SYT9: variants seen among roughly 807,000 people sequenced by gnomAD.
The protein encoded by SYT9 is synaptotagmin-9.
In SYT9, 22 loss-of-function variants were observed where a neutral mutation model predicts 48.4. The observed-to-expected ratio is 0.45, with a 90% confidence interval of 0.32 to 0.65. The LOEUF is 0.65. Ranked by LOEUF, SYT9 falls within the 30% of genes least tolerant of loss-of-function variation. SYT9 has a pLI of 0.03. For synonymous variants in SYT9, 265 were observed against 245.0 expected, an observed-to-expected ratio of 1.08 and a Z score of -0.76; for missense variants, 577 against 622.0, an observed-to-expected ratio of 0.93 and a Z score of 0.77.
chr11:7,250,886 AAAAAAGACAAAAG>A (rs1847855002), upstream of SYT9, among the ~76,000 whole-genome samples: 1 of 152,106 alleles, frequency 6.6e-6, no homozygotes, highest in Non-Finnish European at 1.5e-5. Context: ...CCAGTATTAC[AAAAAAGACAAAAG>A]AAAAAGAAGG....
chr11:7,346,940 ATTTG>A (rs1849811284), intron 3 of SYT9, among the ~76,000 whole-genome samples: 2 of 152,058 alleles, frequency 1.3e-5, no homozygotes, highest in Admixed American at 6.5e-5. Context: ...CTTTGCTGTA[ATTTG>A]TTTAAGTAAG....
rs750085137 is a variant in SYT9 at position 7,252,309 on chromosome 11, C to G, written c.123C>G (p.Ala41=). 6.7e-7 allele frequency: 1 copy of G among 1,502,404 alleles called. No homozygotes were observed. The allele number at this position is 1,502,404 out of a possible 1,614,324, so 93.1% of individuals were successfully genotyped here. Residue 41 remains alanine (A), a synonymous_variant, in exon 1 of 7, where the codon GCC becomes GCG. Coordinates refer to ENST00000318881, the MANE Select transcript of SYT9 (RefSeq NM_175733.4). This position sits in a 1 kb window ranked among gnomAD's most constrained non-coding sequence, Gnocchi z 6.3. Reference sequence around the variant, plus strand: ...TCATTTACCACCTGCGGGACCGTGCCAGACCCCGGCTCCGCGACCCAGGTG... The same window carrying G: ...TCATTTACCACCTGCGGGACCGTGCGAGACCCCGGCTCCGCGACCCAGGTG... The part of the protein sequence containing the change: ...QDFIYHLRDR[A]RPRLRDPDIS...
At chr11:7,257,898 GA>G (rs1757682134) in intron 1 of SYT9, among the ~76,000 whole-genome samples, 1 of 152,142 alleles carries the variant, frequency 6.6e-6, no homozygotes, top group Admixed American at 6.6e-5. Flanking sequence ...ATCAAGAGGG[GA>G]AAACAAAAGC....
chr11:7,301,168 C>G (rs1848912316), intron 1 of SYT9, among the ~76,000 whole-genome samples: 1 of 152,046 alleles, frequency 6.6e-6, no homozygotes, highest in African/African-American at 2.4e-5. Context: ...TTTGAGGAGA[C>G]AAAAGTGAAA....
At chr11:7,263,475 C>A (rs1305893997) in intron 1 of SYT9, among the ~76,000 whole-genome samples, 1 of 152,072 alleles carries the variant, frequency 6.6e-6, no homozygotes, top group Non-Finnish European at 1.5e-5. Context: ...CACAAACATT[C>A]AGATCTTCAC....
At chr11:7,363,736 A>C (rs1448833480) in intron 3 of SYT9, among the ~76,000 whole-genome samples, 1 of 152,208 alleles carries the variant, frequency 6.6e-6, no homozygotes, top group African/African-American at 2.4e-5. Context: ...GGAATCCAGG[A>C]GTAATGAGTG....
At chr11:7,241,787 G>A (rs576711709) in intron 1 of SYT9, among the ~76,000 whole-genome samples, 1 of 152,264 alleles carries the variant, frequency 6.6e-6, no homozygotes, top group African/African-American at 2.4e-5. Context: ...TTTGTCCAGG[G>A]GGATCGTAAG....
intron 3 of SYT9, among the ~76,000 whole-genome samples, chr11:7,394,947 G>T (rs1050884351): frequency 6.6e-6 from 1 of 152,010 alleles, no homozygotes; most frequent in Non-Finnish European, 1.5e-5. Context: ...AAGACATTCA[G>T]GAGCAAGTTG....
At position 7,395,522 on chromosome 11, in the gene SYT9, C is replaced by T. The variant is rs543888935; in HGVS notation, c.1045-20520C>T. Reference sequence around the variant, plus strand: ...TCTATAAGTACTTGTTTATGAATCCCAATGTGGGATACATTTAGATTCAGG... The same window carrying T: ...TCTATAAGTACTTGTTTATGAATCCTAATGTGGGATACATTTAGATTCAGG... On this transcript the variant is annotated intron_variant, in intron 3 of 6. Coordinates refer to ENST00000318881, the MANE Select transcript of SYT9 (RefSeq NM_175733.4). Among the ~76,000 whole-genome samples, 5 of 151,974 alleles carry T rather than the reference C, an allele frequency of 3.3e-5. No individual in the cohort carries two copies. The East Asian group carries it at 9.7e-4, about 29-fold the overall frequency.
chr11:7,239,820 G>T (rs1847722643), intron 1 of SYT9, among the ~76,000 whole-genome samples: 1 of 152,144 alleles, frequency 6.6e-6, no homozygotes, highest in Admixed American at 6.6e-5. Flanking sequence ...TTAGACCTGA[G>T]CAATTAAATC....
chr11:7,302,921 C>A (rs1848950140), intron 1 of SYT9, 118 bp from the exon 2 acceptor site: 2 of 892,750 alleles, frequency 2.2e-6, no homozygotes, highest in Admixed American at 2.2e-5. Context: ...CCCAGCATGG[C>A]CTTCCGCAGT....
chr11:7,455,503 T>G (rs1354153171), intron 6 of SYT9, among the ~76,000 whole-genome samples: 2 of 130,650 alleles, frequency 1.5e-5, no homozygotes, highest in Non-Finnish European at 3.2e-5. Context: ...CTGGTTAATT[T>G]TTGTATTTTT....
intron 3 of SYT9, among the ~76,000 whole-genome samples, chr11:7,376,194 A>C (rs1003414222): frequency 2.6e-5 from 4 of 152,076 alleles, no homozygotes; most frequent in African/African-American, 9.7e-5. Context: ...CATGGTAGAT[A>C]TTCAACAAAT....
chr11:7,426,071 C>T (rs4628657), intron 6 of SYT9, among the ~76,000 whole-genome samples: 62,882 of 152,024 alleles, frequency 0.41, 15,539 homozygotes, highest in African/African-American at 0.68. Context: ...TAGTAGTTCT[C>T]GGTCTTTTCC....
intron 1 of SYT9, among the ~76,000 whole-genome samples, chr11:7,258,503 T>C (rs564077955): frequency 6.6e-6 from 1 of 152,180 alleles, no homozygotes; most frequent in East Asian, 1.9e-4. Context: ...CATATGGCCT[T>C]GCACATGTAT....
chr11:7,298,599 G>C (rs1021355013), intron 1 of SYT9, among the ~76,000 whole-genome samples: 9 of 151,896 alleles, frequency 5.9e-5, no homozygotes, highest in African/African-American at 2.2e-4. Flanking sequence ...ATGTGAGTAT[G>C]TGGGCTTAAA....
chr11:7,278,660 C>A (rs146379001), intron 1 of SYT9, among the ~76,000 whole-genome samples: 1 of 152,042 alleles, frequency 6.6e-6, no homozygotes, highest in Non-Finnish European at 1.5e-5. Context: ...TTCTATAATA[C>A]GGAGAAAATT....
intron 3 of SYT9, among the ~76,000 whole-genome samples, chr11:7,409,990 G>A (rs971248797): frequency 1.3e-5 from 2 of 152,052 alleles, no homozygotes; most frequent in Non-Finnish European, 2.9e-5. Flanking sequence ...TATTGCCTAT[G>A]TCAAACTTCC....
At position 7,430,723 on chromosome 11, in the gene SYT9, T is replaced by C. The variant is rs542503283; in HGVS notation, c.1467+10088T>C. 1.7e-4 allele frequency among the ~76,000 whole-genome samples: 26 copies of C among 152,264 alleles called. No homozygotes were observed. In the South Asian group the frequency reaches 5.4e-3, roughly 32 times the overall value. On this transcript the variant is annotated intron_variant, in intron 6 of 6. Coordinates refer to ENST00000318881, the MANE Select transcript of SYT9 (RefSeq NM_175733.4). ...CAAGATCTGGTCATTTAAAAGTGTGTGGCACCTTCCACCCTGCCTTGCTTC... is the reference window on the plus strand; with the variant it reads ...CAAGATCTGGTCATTTAAAAGTGTGCGGCACCTTCCACCCTGCCTTGCTTC...
Sources: allele counts gnomAD v4.1 joint callset (sites outside exome capture counted in the v4.1 genomes callset), GRCh38; gene constraint gnomAD v4.1.1; non-coding constraint Gnocchi (gnomAD v3.1); transcripts MANE v1.5; gene names NCBI Gene and HGNC (gene_info 2026-07-23, HGNC 2026-07-21).